Variants in CEP128 observed in about 807,000 individuals in gnomAD.
The protein encoded by CEP128 is centrosomal protein 128kDa.
CEP128 carries 132 observed loss-of-function variants against 156.7 expected under a neutral mutation model. That is an observed-to-expected ratio of 0.84 (90% CI 0.73 to 0.97). CEP128 has a LOEUF of 0.97. Ranked by LOEUF, CEP128 falls within the 50% of genes least tolerant of loss-of-function variation. The pLI is 0.00. For synonymous variants in CEP128, 469 were observed against 448.9 expected (o/e 1.04, Z -0.57); for missense variants, 1,252 against 1,281.9 (o/e 0.98, Z 0.36).
At chr14:80,560,922 T>C (rs955628057) in intron 20 of CEP128, among the ~76,000 whole-genome samples, 1 of 152,022 alleles carries the variant, frequency 6.6e-6, no homozygotes, top group Non-Finnish European at 1.5e-5. Flanking sequence ...ACTAATTCTG[T>C]CCCTCTAAGA....
intron 19 of CEP128, among the ~76,000 whole-genome samples, chr14:80,647,094 T>C (rs1894688864): frequency 1.1e-5 from 1 of 91,972 alleles, no homozygotes; most frequent in Non-Finnish European, 2.3e-5. Flanking sequence ...TATACACCCT[T>C]ATAAATACAC....
At chr14:80,936,922 A>G (rs904566047) in intron 2 of CEP128, among the ~76,000 whole-genome samples, 1 of 152,118 alleles carries the variant, frequency 6.6e-6, no homozygotes, top group Non-Finnish European at 1.5e-5. Flanking sequence ...TATAAAAACT[A>G]CATTAGCATG....
At chr14:80,568,584 A>G (rs1461410715) in intron 20 of CEP128, among the ~76,000 whole-genome samples, 2 of 152,220 alleles carry the variant, frequency 1.3e-5, no homozygotes, top group Admixed American at 1.3e-4. Flanking sequence ...AGGATGATCA[A>G]CATCGAAGCA....
intron 24 of CEP128, among the ~76,000 whole-genome samples, chr14:80,498,604 C>T (rs1271045213): frequency 6.6e-6 from 1 of 152,202 alleles, no homozygotes; most frequent in East Asian, 1.9e-4. Flanking sequence ...TCAGCTGCTG[C>T]TTCTTGCCAT....
chr14:80,601,975 G>T (rs945424403), intron 19 of CEP128, among the ~76,000 whole-genome samples: 2 of 152,096 alleles, frequency 1.3e-5, no homozygotes, highest in Admixed American at 6.5e-5. Flanking sequence ...ATCTATAAGA[G>T]AAATAGTTTA....
At chr14:80,526,161 C>A (rs185464341) in intron 23 of CEP128, among the ~76,000 whole-genome samples, 1 of 151,996 alleles carries the variant, frequency 6.6e-6, no homozygotes, top group South Asian at 2.1e-4. Context: ...GCATCTAGTG[C>A]GTACATTTTA....
intron 19 of CEP128, among the ~76,000 whole-genome samples, chr14:80,625,614 C>A (rs979443474): frequency 3.3e-5 from 5 of 151,962 alleles, no homozygotes; most frequent in African/African-American, 1.2e-4. Flanking sequence ...TTTTTTGTGT[C>A]CTCTTCAATT....
intron 20 of CEP128, among the ~76,000 whole-genome samples, chr14:80,574,894 T>C (rs1891292600): frequency 6.6e-6 from 1 of 152,012 alleles, no homozygotes; most frequent in African/African-American, 2.4e-5. Context: ...AATCGAACCC[T>C]TCAACTGGGA....
chr14:80,945,513 T>C (rs1437976448), upstream of CEP128: 13 of 152,310 alleles, frequency 8.5e-5, no homozygotes, highest in African/African-American at 3.1e-4. Flanking sequence ...TTCTACCCAC[T>C]GTGTTGGGCC....
downstream of CEP128, among the ~76,000 whole-genome samples, chr14:80,486,603 T>G (rs1033249234): frequency 1.3e-5 from 2 of 152,122 alleles, no homozygotes; most frequent in East Asian, 1.9e-4. Flanking sequence ...GAAAAAATGT[T>G]AAGGGCAGCC....
At chr14:80,501,339 G>C (rs938393471) in intron 24 of CEP128, among the ~76,000 whole-genome samples, 1 of 152,048 alleles carries the variant, frequency 6.6e-6, no homozygotes, top group Non-Finnish European at 1.5e-5. Context: ...CTTTATCTAC[G>C]AATGAAGGAT....
chr14:80,558,065 T>G (rs978038024), intron 21 of CEP128, among the ~76,000 whole-genome samples: 2 of 152,168 alleles, frequency 1.3e-5, no homozygotes, highest in Non-Finnish European at 2.9e-5. Flanking sequence ...CAGAAAGAAA[T>G]AAAATTAAAA....
chr14:80,647,007 ATATATGTGTGTG>A (rs1326007914), intron 19 of CEP128, among the ~76,000 whole-genome samples: 1 of 123,484 alleles, frequency 8.1e-6, no homozygotes, highest in African/African-American at 2.7e-5. Flanking sequence ...ATATATATAT[ATATATGTGTGTG>A]TATATATATG....
At chr14:80,644,270 G>A (rs1173289830) in intron 19 of CEP128, among the ~76,000 whole-genome samples, 3 of 152,188 alleles carry the variant, frequency 2.0e-5, no homozygotes, top group African/African-American at 7.2e-5. Context: ...GTGGCGCTTT[G>A]TTATGGTAGC....
At chr14:80,482,585 G>C (rs142874790) in intron 14 of CEP128, among the ~76,000 whole-genome samples, 1 of 152,172 alleles carries the variant, frequency 6.6e-6, no homozygotes, top group African/African-American at 2.4e-5. Context: ...TAGGGCCTAG[G>C]AAGCTTTGTT....
intron 9 of CEP128, among the ~76,000 whole-genome samples, chr14:80,842,494 C>T (rs187620492): frequency 2.4e-3 from 366 of 151,948 alleles, no homozygotes; most frequent in Middle Eastern, 6.8e-3. Flanking sequence ...ACACTTAAGA[C>T]CCATTAAATA....
intron 21 of CEP128, among the ~76,000 whole-genome samples, chr14:80,558,413 C>T (rs1034656482): frequency 2.6e-5 from 4 of 152,002 alleles, no homozygotes; most frequent in African/African-American, 9.7e-5. Flanking sequence ...TTCAGCCTCC[C>T]GAGTAGCTGA....
At chr14:80,545,394 A>G (rs1649090669) in intron 21 of CEP128, among the ~76,000 whole-genome samples, 1 of 152,220 alleles carries the variant, frequency 6.6e-6, no homozygotes, top group African/African-American at 2.4e-5. Context: ...TATACCAGCA[A>G]TTACACTGAT....
chr14:80,711,502 T>C (rs1344394842), intron 19 of CEP128, among the ~76,000 whole-genome samples: 1 of 152,060 alleles, frequency 6.6e-6, no homozygotes, highest in Non-Finnish European at 1.5e-5. Context: ...CTTGCAGTAG[T>C]AAATAGCAGT....
Sources: gnomAD v4.1 joint callset for allele counts (sites outside exome capture counted in the v4.1 genomes callset) on GRCh38, gnomAD v4.1.1 for gene constraint, MANE v1.5 for transcripts, NCBI Gene and HGNC (gene_info 2026-07-23, HGNC 2026-07-21) for gene names.